Variants in URB1 observed in about 807,000 individuals in gnomAD.
URB1 encodes the protein nucleolar pre-ribosomal-associated protein 1.
Under a neutral mutation model 242.3 loss-of-function variants are expected in URB1, and 197 were observed. The observed-to-expected ratio is 0.81, with a 90% CI of 0.72 to 0.91. The LOEUF is 0.91. URB1 is among the 40% of genes least tolerant of loss of function. The pLI, the probability that URB1 is intolerant of heterozygous loss-of-function variation, is 0.00. For missense variants in URB1, 2,721 were observed against 2,860.5 expected (o/e 0.95, Z 1.11); for synonymous variants, 1,153 against 1,201.8 (o/e 0.96, Z 0.84).
intron 6 of URB1, among the ~76,000 whole-genome samples, chr21:32,374,836 A>G (rs2033442117): frequency 6.6e-6 from 1 of 152,206 alleles, no homozygotes; most frequent in Non-Finnish European, 1.5e-5. Flanking sequence ...CCCCCATTTG[A>G]GAATCACTCT....
chr21:32,315,206 T>C (rs1043197006), intron 38 of URB1, 107 bp from the exon 39 acceptor site: 51 of 1,248,444 alleles, frequency 4.1e-5, no homozygotes, highest in Non-Finnish European at 5.2e-5. Context: ...AAATGAACCG[T>C]GCCACAGGCC....
intron 36 of URB1, among the ~76,000 whole-genome samples, chr21:32,318,725 G>C (rs1216527681): frequency 1.2e-4 from 18 of 152,192 alleles, no homozygotes; most frequent in African/African-American, 4.3e-4. Context: ...GAAACCAAAA[G>C]CATGACTCCA....
At chr21:32,363,014 C>A (rs2033306082) in intron 11 of URB1, 142 bp downstream of exon 11, 2 of 1,054,926 alleles carry the variant, frequency 1.9e-6, no homozygotes, top group Non-Finnish European at 1.3e-6. Flanking sequence ...CCCTCAGCAC[C>A]CACGCTACCA....
intron 4 of URB1, among the ~76,000 whole-genome samples, 190 bp downstream of exon 4, chr21:32,383,232 C>T (rs1323932377): frequency 2.6e-5 from 4 of 152,238 alleles, no homozygotes; most frequent in Non-Finnish European, 5.9e-5. Context: ...CAGGTTCTGG[C>T]CCTATCGCCA....
chr21:32,317,807 A>G lies in URB1; in HGVS notation c.5903T>C (p.Val1968Ala). 1.3e-6 allele frequency: 2 copies of G among 1,551,968 alleles called. No homozygotes were observed. The highest frequency in any genetic ancestry group is 1.7e-6 in the Non-Finnish European group (2 of 1,147,042). Reference protein sequence around the residue: ...QAFRDMNRFTVNETVLSTKDV... With the variant: ...QAFRDMNRFTANETVLSTKDV... ...CTTGGTGGAAAGCACTGTCTCATTT[A>G]CGGTGAATCTGTTCATGTCCCTAAA... is the stretch of plus-strand genomic sequence containing the variant. The change falls in exon 37 of 39, where the codon GTA (valine) becomes GCA (alanine). Residue 1968 changes from valine (V) to alanine (A), a missense_variant. Val to Ala is a moderately conservative substitution (Grantham distance 64). Transcript: ENST00000382751.
intron 33 of URB1, 107 bp downstream of exon 33, chr21:32,322,371 T>A: frequency 9.7e-7 from 1 of 1,030,984 alleles, no homozygotes; most frequent in Non-Finnish European, 1.5e-6. Flanking sequence ...CACAATCGTG[T>A]TGGCCGTGCA....
intron 30 of URB1, among the ~76,000 whole-genome samples, chr21:32,327,031 G>A (rs184678629): frequency 2.2e-4 from 33 of 151,918 alleles, no homozygotes; most frequent in Non-Finnish European, 4.0e-4. Context: ...AAAAAAATCC[G>A]AAGAAATAAT....
chr21:32,320,576 C>G lies in URB1; in HGVS notation c.5549G>C (p.Arg1850Pro). The G allele has an allele frequency of 3.2e-6, 5 of 1,551,970 alleles. No individual in the cohort carries two copies. The highest frequency in any genetic ancestry group is 4.4e-6 in the Non-Finnish European group (5 of 1,147,050). ...QVARSAYEII[R>P]DYSLLTWILH... Reference sequence around the variant, plus strand: ...AATCCATGTTAAAAGGCTATAGTCTCGTATGATTTCATACGCAGATCTGGC... The same window carrying G: ...AATCCATGTTAAAAGGCTATAGTCTGGTATGATTTCATACGCAGATCTGGC... Residue 1850 changes from arginine (R) to proline (P), a missense_variant, in exon 35 of 39, where the codon CGA becomes CCA. Physicochemically the swap from Arg to Pro is moderately radical, Grantham distance 103 (BLOSUM62 -2). Transcript: ENST00000382751.
At chr21:32,385,850 C>T (rs2033578358) in intron 1 of URB1, among the ~76,000 whole-genome samples, 166 bp from the exon 2 acceptor site, 1 of 152,132 alleles carries the variant, frequency 6.6e-6, no homozygotes, top group African/African-American at 2.4e-5. Context: ...CTCCAAAATT[C>T]ATGTTGAAAC....
In URB1 at chr21:32,368,572, A is replaced by G; in HGVS notation, c.1028T>C (p.Phe343Ser). 6.4e-7 allele frequency: 1 copy of G among 1,551,458 alleles called. No individual in the cohort carries two copies. Reference sequence around the variant, plus strand: ...AGCTGCAGTTTTCAAACCCAGCAAGAAGTGCAAGAGTGTCAGGTTTCCGCC... The same window carrying G: ...AGCTGCAGTTTTCAAACCCAGCAAGGAGTGCAAGAGTGTCAGGTTTCCGCC... ...GRGGNLTLLH[F>S]LLGLKTAADD... Residue 343 changes from phenylalanine to serine, a missense_variant, in exon 9 of 39, where the codon TTC becomes TCC. Physicochemically the swap from Phe to Ser is radical, Grantham distance 155. Coordinates refer to ENST00000382751, the MANE Select transcript of URB1 (RefSeq NM_014825.3).
intron 38 of URB1, among the ~76,000 whole-genome samples, 171 bp downstream of exon 38, chr21:32,316,295 A>G (rs1007981575): frequency 5.3e-5 from 8 of 152,244 alleles, no homozygotes; most frequent in African/African-American, 1.7e-4. Context: ...TTCACTGCCC[A>G]GTGGCAAGCT....
intron 14 of URB1, among the ~76,000 whole-genome samples, chr21:32,357,882 A>AGCC (rs761104025): frequency 1.3e-5 from 2 of 152,178 alleles, no homozygotes; most frequent in African/African-American, 2.4e-5. Context: ...TACAAAAATT[A>AGCC]GCCAGTCATA....
At position 32,316,604 on chromosome 21, in the gene URB1, C is replaced by A. The variant is rs1250320374; in HGVS notation, c.6496G>T (p.Val2166Leu). ...LCGAEGLAGPVQEVACLFNTV... is the reference protein window; with the variant it reads ...LCGAEGLAGPLQEVACLFNTV... The stretch of plus-strand genomic sequence containing the variant: ...TTGAACAGGCAGGCCACCTCCTGCA[C>A]AGGCCCTGCCAGCCCCTCAGCCCCA... The change falls in exon 38 of 39, where the codon GTG (valine) becomes TTG (leucine). Residue 2166 changes from valine to leucine, a missense_variant. Transcript: ENST00000382751. The A allele has an allele frequency of 6.4e-7, 1 of 1,551,532 alleles. No individual in the cohort carries two copies. The highest frequency in any genetic ancestry group is 2.0e-5 in the Admixed American group (1 of 51,012).
At chr21:32,351,211 A>G (rs1161487203) in intron 19 of URB1, among the ~76,000 whole-genome samples, 1 of 152,196 alleles carries the variant, frequency 6.6e-6, no homozygotes, top group Non-Finnish European at 1.5e-5. Context: ...CACAGGCAGG[A>G]GCCACGTGTG....
chr21:32,361,862 A>C, intron 12 of URB1, 30 bp downstream of exon 12: 1 of 1,548,092 alleles, frequency 6.5e-7, no homozygotes, highest in South Asian at 1.2e-5. Flanking sequence ...TGCAAAAGGC[A>C]GAGGGTCCCC....
At chr21:32,362,781 TG>T (rs2033303486) in intron 11 of URB1, among the ~76,000 whole-genome samples, 1 of 152,122 alleles carries the variant, frequency 6.6e-6, no homozygotes, top group Non-Finnish European at 1.5e-5. Flanking sequence ...GGCCACAGTG[TG>T]GTCTATGTGT....
At position 32,372,595 on chromosome 21, in the gene URB1, C is replaced by T. The variant is rs1260314174; in HGVS notation, c.913G>A (p.Glu305Lys). 2.6e-6 allele frequency: 4 copies of T among 1,550,950 alleles called. No individual in the cohort carries two copies. The East Asian group carries it at 9.8e-5, about 38-fold the overall frequency. ...TCCATCAGGAAGTTATGAACAAGCTCCCGCACCATGGTTTTCCCTGCTTCT... is the reference window on the plus strand; with the variant it reads ...TCCATCAGGAAGTTATGAACAAGCTTCCGCACCATGGTTTTCCCTGCTTCT... ...AEEAGKTMVRELVHNFLMDLC... is the reference protein window; with the variant it reads ...AEEAGKTMVRKLVHNFLMDLC... Residue 305 changes from glutamate to lysine, a missense_variant, in exon 8 of 39, where the codon GAG (glutamate) becomes AAG (lysine). By Grantham distance (56) the Glu-to-Lys change is moderately conservative. Transcript: ENST00000382751.
intron 22 of URB1, 138 bp downstream of exon 22, chr21:32,346,818 T>C: frequency 3.2e-6 from 4 of 1,253,722 alleles, no homozygotes; most frequent in Non-Finnish European, 2.1e-6. Context: ...TTCTCCATCT[T>C]CAGAGTTGTG....
At chr21:32,387,525 T>C (rs544849340) in intron 1 of URB1, among the ~76,000 whole-genome samples, 37 of 148,924 alleles carry the variant, frequency 2.5e-4, no homozygotes, top group Middle Eastern at 7.2e-3. Context: ...GGAAGCCGCA[T>C]GAGAGCGTAA....
Sources: gnomAD v4.1 joint callset for allele counts (sites outside exome capture counted in the v4.1 genomes callset) on GRCh38, gnomAD v4.1.1 for gene constraint, MANE v1.5 for transcripts, NCBI Gene and HGNC (gene_info 2026-07-23, HGNC 2026-07-21) for gene names.